The following TNKS variants were observed in gnomAD, a reference collection of about 807,000 sequenced individuals.
TNKS encodes tankyrase, also known as poly [ADP-ribose] polymerase tankyrase-1.
TNKS carries 72 observed loss-of-function variants against 135.8 expected under a neutral mutation model. The ratio of observed to expected loss-of-function variants is 0.53; its 90% confidence interval spans 0.44 to 0.64. The LOEUF (loss-of-function observed/expected upper bound fraction) is 0.64. TNKS is among the 30% of genes least tolerant of loss of function. The probability of loss-of-function intolerance (pLI) is 0.00; values close to 1 mark genes in which losing one functional copy is unlikely to be tolerated. For missense variants in TNKS, 1,769 were observed against 1,674.0 expected (o/e 1.06, Z -0.99); for synonymous variants, 849 against 649.3 (o/e 1.31, Z -4.68).
At chr8:9,769,755 G>A (rs950641587) in intron 25 of TNKS, among the ~76,000 whole-genome samples, 5 of 151,526 alleles carry the variant, frequency 3.3e-5, no homozygotes, top group African/African-American at 9.7e-5. Flanking sequence ...AAGTAGCTGA[G>A]ACTACAGGCG....
At chr8:9,691,519 C>A (rs1180071143) in intron 5 of TNKS, among the ~76,000 whole-genome samples, 1 of 152,146 alleles carries the variant, frequency 6.6e-6, no homozygotes, top group Non-Finnish European at 1.5e-5. Flanking sequence ...AGCCCCCACA[C>A]AAAGGAAAAT....
rs1301420905 is a variant in TNKS at position 9,706,914 on chromosome 8, G to T, written c.1373G>T (p.Gly458Val). 1.2e-6 allele frequency: 2 copies of T among 1,613,934 alleles called. No individual in the cohort carries two copies. The highest frequency in any genetic ancestry group is 1.3e-5 in the African/African-American group (1 of 74,896). ...GTCTGCTCTTTGTTACTTAGCCATG[G>T]CGCTGATCCTACATTAGTCAACTGC... Reference protein sequence around the residue: ...VEVCSLLLSHGADPTLVNCHG... With the variant: ...VEVCSLLLSHVADPTLVNCHG... Residue 458 changes from glycine (G) to valine (V), a missense_variant, in exon 8 of 27, where the codon GGC (glycine) becomes GTC (valine). Gly to Val is a moderately radical substitution (Grantham distance 109). Around this residue, in one of 5 missense-constraint regions of TNKS, gnomAD observed 523 missense variants for 541.0 expected, o/e 0.97. Coordinates refer to ENST00000310430, the MANE Select transcript of TNKS (RefSeq NM_003747.3).
At chr8:9,674,356 A>T (rs1009941391) in intron 3 of TNKS, among the ~76,000 whole-genome samples, 4 of 152,120 alleles carry the variant, frequency 2.6e-5, no homozygotes, top group African/African-American at 9.7e-5. Context: ...AGCATTTTTT[A>T]TTTCACATGT....
chr8:9,675,311 C>A (rs548399253), intron 3 of TNKS, among the ~76,000 whole-genome samples: 18 of 152,212 alleles, frequency 1.2e-4, no homozygotes, highest in African/African-American at 4.3e-4. Context: ...TTTGCTGGTA[C>A]CTTGATGAGA....
At chr8:9,665,322 T>C (rs1801936330) in intron 3 of TNKS, among the ~76,000 whole-genome samples, 1 of 152,242 alleles carries the variant, frequency 6.6e-6, no homozygotes. Context: ...AGGGCTCTAA[T>C]AGCAGGACAT....
intron 2 of TNKS, among the ~76,000 whole-genome samples, chr8:9,587,474 A>G (rs1563097669): frequency 2.0e-5 from 3 of 148,854 alleles, no homozygotes; most frequent in African/African-American, 7.5e-5. Context: ...GTCTCGGCTC[A>G]CTGTAAGCTC....
At chr8:9,775,075 GATAA>G (rs745419690) in intron 26 of TNKS, among the ~76,000 whole-genome samples, 1 of 152,104 alleles carries the variant, frequency 6.6e-6, no homozygotes, top group Non-Finnish European at 1.5e-5. Flanking sequence ...GGATGCTAGT[GATAA>G]ATAGTTTTCT....
At chr8:9,746,678 C>T (rs901530222) in intron 17 of TNKS, among the ~76,000 whole-genome samples, 1 of 152,094 alleles carries the variant, frequency 6.6e-6, no homozygotes. Flanking sequence ...AGCCCCCAGC[C>T]CCAGTCCTCA....
intron 15 of TNKS, among the ~76,000 whole-genome samples, chr8:9,734,143 A>G (rs1300895098): frequency 5.9e-5 from 9 of 152,158 alleles, no homozygotes; most frequent in South Asian, 4.1e-4. Context: ...GAAAAACACA[A>G]TATCTGATAC....
intron 26 of TNKS, among the ~76,000 whole-genome samples, chr8:9,772,615 G>A (rs2128842700): frequency 6.6e-6 from 1 of 152,102 alleles, no homozygotes; most frequent in Non-Finnish European, 1.5e-5. Flanking sequence ...TACATTATTA[G>A]ATCAACTGAC....
intron 3 of TNKS, among the ~76,000 whole-genome samples, chr8:9,667,462 G>T (rs552317802): frequency 2.0e-5 from 3 of 152,350 alleles, no homozygotes; most frequent in Non-Finnish European, 4.4e-5. Context: ...AGTTTTGGGA[G>T]TCGCCTATTC....
intron 3 of TNKS, among the ~76,000 whole-genome samples, chr8:9,668,152 T>A (rs1802088833): frequency 6.6e-6 from 1 of 152,220 alleles, no homozygotes; most frequent in Non-Finnish European, 1.5e-5. Flanking sequence ...TCGGAATCAT[T>A]TCTAAGAAAT....
intron 5 of TNKS, among the ~76,000 whole-genome samples, chr8:9,704,404 T>C (rs1229637966): frequency 1.3e-5 from 2 of 152,070 alleles, no homozygotes; most frequent in Non-Finnish European, 2.9e-5. Flanking sequence ...TAGGAAATCA[T>C]GTAGAATAGG....
chr8:9,628,766 T>G (rs1800167074), intron 3 of TNKS, among the ~76,000 whole-genome samples: 1 of 152,194 alleles, frequency 6.6e-6, no homozygotes, highest in Admixed American at 6.5e-5. Context: ...GTACATATCC[T>G]ACTACCTACT....
At chr8:9,717,072 A>AATATATATATATATATATATATATATAT (rs368231440) in intron 11 of TNKS, among the ~76,000 whole-genome samples, 45 of 79,418 alleles carry the variant, frequency 5.7e-4, no homozygotes, top group African/African-American at 1.8e-3. Flanking sequence ...GTTGTATTAT[A>AATATATATATATATATATATATATATAT]ATATATATAT....
intron 3 of TNKS, among the ~76,000 whole-genome samples, chr8:9,645,170 C>T (rs979480309): frequency 2.0e-5 from 3 of 147,496 alleles, no homozygotes; most frequent in South Asian, 2.3e-4. Flanking sequence ...AAGGGGAGGA[C>T]GGGTAAGCAG....
chr8:9,696,381 G>C (rs1284091132), intron 5 of TNKS, among the ~76,000 whole-genome samples: 2 of 152,018 alleles, frequency 1.3e-5, no homozygotes, highest in Non-Finnish European at 2.9e-5. Flanking sequence ...TGCTAATAAG[G>C]TCAGATAAGA....
intron 6 of TNKS, 35 bp downstream of exon 6, chr8:9,704,792 G>C: frequency 6.4e-7 from 1 of 1,551,906 alleles, no homozygotes; most frequent in South Asian, 1.1e-5. Flanking sequence ...TCAGTGCTTT[G>C]TTTTTTGTCT....
At chr8:9,564,473 T>C (rs1207438576) in intron 1 of TNKS, among the ~76,000 whole-genome samples, 1 of 152,238 alleles carries the variant, frequency 6.6e-6, no homozygotes, top group African/African-American at 2.4e-5. Context: ...AGGTTTGGTT[T>C]TGGAAAGGAA....
Sources: gnomAD v4.1 joint callset for allele counts (sites outside exome capture counted in the v4.1 genomes callset) on GRCh38, gnomAD v4.1.1 for gene constraint, gnomAD v4.1.1 regional missense constraint, MANE v1.5 for transcripts, NCBI Gene and HGNC (gene_info 2026-07-23, HGNC 2026-07-21) for gene names.